Variants in MOB3B observed in about 807,000 individuals in gnomAD.
The protein encoded by MOB3B is MOB kinase activator 3B.
A neutral mutation model predicts 18.7 loss-of-function variants in MOB3B; 7 were observed. The ratio of observed to expected loss-of-function variants is 0.37; its 90% confidence interval spans 0.21 to 0.70. MOB3B has a LOEUF of 0.70. Ranked by LOEUF, MOB3B falls within the 30% of genes least tolerant of loss-of-function variation. The pLI is 0.52. For synonymous variants in MOB3B, 111 were observed against 99.9 expected (o/e 1.11, Z -0.66); for missense variants, 253 against 281.3 (o/e 0.90, Z 0.72).
chr9:27,389,589 C>T (rs1404825352), intron 2 of MOB3B, among the ~76,000 whole-genome samples: 1 of 152,158 alleles, frequency 6.6e-6, no homozygotes, highest in Non-Finnish European at 1.5e-5. Flanking sequence ...TCACAGCACT[C>T]CCCATCACTA....
rs1355343165 is a variant in MOB3B at position 27,326,339 on chromosome 9, G to A, written c.*4248C>T. ...AGGGAAAGGAGGCTGAAGCACAACT[G>A]GTAATAGCCTTCAGATATTTAATGG... On this transcript the variant is annotated 3_prime_UTR_variant, in exon 4 of 4. Transcript: ENST00000262244. 2 of 396,366 alleles carry A rather than the reference G, an allele frequency of 5.0e-6. No individual in the cohort carries two copies. Among genetic ancestry groups the A allele is most frequent in the East Asian group, 7.1e-5 (2 of 27,992 alleles). 24.6% of individuals were successfully genotyped at this position (396,366 alleles called of 1,614,324 possible). A position where few individuals can be genotyped will look rare whatever the true frequency, so the allele number is the denominator to read the frequency against.
chr9:27,489,390 C>G, intron 1 of MOB3B, among the ~76,000 whole-genome samples: 1 of 152,184 alleles, frequency 6.6e-6, no homozygotes, highest in East Asian at 1.9e-4. Flanking sequence ...CCTGAGCTCT[C>G]ACTCTTAAAA....
chr9:27,397,710 T>C (rs1821822652), intron 2 of MOB3B: 2 of 152,248 alleles, frequency 1.3e-5, no homozygotes, highest in Admixed American at 6.5e-5. Flanking sequence ...TAATCTTCTA[T>C]GTACAAATAA....
intron 2 of MOB3B, among the ~76,000 whole-genome samples, chr9:27,366,053 G>C (rs1821338421): frequency 6.6e-6 from 1 of 152,176 alleles, no homozygotes; most frequent in African/African-American, 2.4e-5. Context: ...GCAGGCCAGG[G>C]TGCTGGGGTG....
intron 2 of MOB3B, among the ~76,000 whole-genome samples, chr9:27,372,453 C>T (rs556077882): frequency 5.3e-5 from 8 of 152,222 alleles, no homozygotes; most frequent in African/African-American, 1.7e-4. Flanking sequence ...AGCTCTTGAG[C>T]GTGGGCTATG....
At position 27,529,701 on chromosome 9, in the gene MOB3B, C is replaced by G; in HGVS notation, c.-345G>C. On this transcript the variant is annotated 5_prime_UTR_variant, in exon 1 of 4. Coordinates refer to ENST00000262244, the MANE Select transcript of MOB3B (RefSeq NM_024761.5). ...GGACTCTGCCGCCGGTGCGCGAGGT[C>G]CCGGCGAGCCAACCGGCGGACGGGC... 1.0e-6 allele frequency: 1 copy of G among 985,422 alleles called. No individual in the cohort carries two copies. The highest frequency in any genetic ancestry group is 1.7e-5 in the African/African-American group (1 of 57,362). 61.0% of individuals were successfully genotyped at this position (985,422 alleles called of 1,614,324 possible).
At chr9:27,464,218 A>AG (rs1819340917) in intron 1 of MOB3B, among the ~76,000 whole-genome samples, 1 of 152,114 alleles carries the variant, frequency 6.6e-6, no homozygotes, top group Non-Finnish European at 1.5e-5. Context: ...AGGAGGTGGT[A>AG]GGGGTGGGGG....
intron 1 of MOB3B, among the ~76,000 whole-genome samples, chr9:27,466,672 A>C (rs988824321): frequency 2.0e-5 from 3 of 152,192 alleles, no homozygotes; most frequent in African/African-American, 7.2e-5. Flanking sequence ...GGCAGAAGGC[A>C]CTTCTTATAC....
At chr9:27,342,332 T>C (rs1489501816) in intron 3 of MOB3B, among the ~76,000 whole-genome samples, 1 of 152,194 alleles carries the variant, frequency 6.6e-6, no homozygotes, top group Non-Finnish European at 1.5e-5. Flanking sequence ...CAGTCTTCTG[T>C]CTTGGGAGAA....
In MOB3B at chr9:27,482,407, C is replaced by T. The variant is rs181643174; in HGVS notation, c.-198-26659G>A. 7.6e-4 allele frequency among the ~76,000 whole-genome samples: 115 copies of T among 152,166 alleles called. 1 individual carries two copies. The highest frequency in any genetic ancestry group is 2.7e-3 in the South Asian group (13 of 4,822). ...GGGCTTATCTAGCTATTAAGAAAAA[C>T]GGCAATGTTAAAAGGAATGCTCTGT... On this transcript the variant is annotated intron_variant, in intron 1 of 3. Coordinates refer to ENST00000262244, the MANE Select transcript of MOB3B (RefSeq NM_024761.5).
At chr9:27,522,527 T>C (rs1820355318) in intron 1 of MOB3B, among the ~76,000 whole-genome samples, 1 of 151,546 alleles carries the variant, frequency 6.6e-6, no homozygotes, top group Admixed American at 6.6e-5. Flanking sequence ...AAAGTGTATC[T>C]ATCCAAGTGA....
intron 1 of MOB3B, chr9:27,524,425 G>C (rs200047046): frequency 1.9e-6 from 3 of 1,614,100 alleles, no homozygotes; most frequent in Non-Finnish European, 2.5e-6. Context: ...TCCCTGGACT[G>C]TAACTTACTG....
intron 3 of MOB3B, among the ~76,000 whole-genome samples, chr9:27,339,259 T>A (rs1028994622): frequency 2.6e-5 from 4 of 152,204 alleles, no homozygotes; most frequent in African/African-American, 9.7e-5. Context: ...CCTAAACATT[T>A]TTTTAGGAAC....
chr9:27,438,704 T>C (rs1353378870), intron 2 of MOB3B, among the ~76,000 whole-genome samples: 2 of 152,136 alleles, frequency 1.3e-5, no homozygotes, highest in Non-Finnish European at 2.9e-5. Context: ...AGATGAAACG[T>C]ACACTTGCGG....
intron 2 of MOB3B, among the ~76,000 whole-genome samples, chr9:27,440,070 A>T (rs1822569972): frequency 6.6e-6 from 1 of 152,204 alleles, no homozygotes; most frequent in Admixed American, 6.5e-5. Context: ...TCTAGATATG[A>T]CAAAACCTGG....
chr9:27,379,003 G>A (rs1156581565), intron 2 of MOB3B, among the ~76,000 whole-genome samples: 1 of 152,094 alleles, frequency 6.6e-6, no homozygotes, highest in East Asian at 1.9e-4. Flanking sequence ...CTTCCTTTAG[G>A]TCAGCATGAA....
rs565303687 is a variant in MOB3B, at chr9:27,467,050, A to G, written c.-198-11302T>C. On this transcript the variant is annotated intron_variant, in intron 1 of 3. Coordinates refer to ENST00000262244, the MANE Select transcript of MOB3B (RefSeq NM_024761.5). ...GAAAAACAGGTACACAAAGCAGGTA[A>G]CCCTGAGATAAAATTGAGACAAATA... Among the ~76,000 whole-genome samples, 12 of 152,288 alleles carry G rather than the reference A, an allele frequency of 7.9e-5. No homozygotes were observed. The South Asian group carries it at 2.5e-3, about 32-fold the overall frequency.
chr9:27,500,776 C>A (rs947661004), intron 1 of MOB3B, among the ~76,000 whole-genome samples: 1 of 152,150 alleles, frequency 6.6e-6, no homozygotes, highest in Admixed American at 6.5e-5. Context: ...AGAGCTTCTG[C>A]ACAGCAAAAG....
At chr9:27,493,006 T>C (rs1819843738) in intron 1 of MOB3B, among the ~76,000 whole-genome samples, 1 of 152,208 alleles carries the variant, frequency 6.6e-6, no homozygotes, top group Non-Finnish European at 1.5e-5. Flanking sequence ...ACTAAGCTAC[T>C]TAGCAGCCAC....
Sources: gnomAD v4.1 joint callset for allele counts (sites outside exome capture counted in the v4.1 genomes callset) on GRCh38, gnomAD v4.1.1 for gene constraint, MANE v1.5 for transcripts, NCBI Gene and HGNC (gene_info 2026-07-23, HGNC 2026-07-21) for gene names.